Variants in LARGE1 observed in about 807,000 individuals in gnomAD.
LARGE1 encodes LARGE xylosyl- and glucuronyltransferase 1.
In LARGE1, 43 loss-of-function variants were observed where a neutral mutation model predicts 87.6. The ratio of observed to expected loss-of-function variants is 0.49; its 90% CI spans 0.38 to 0.63. The LOEUF (loss-of-function observed/expected upper bound fraction) is 0.63. LARGE1 is among the 30% of genes least tolerant of loss of function. LARGE1 has a pLI of 0.00. For synonymous variants in LARGE1, 434 were observed against 394.6 expected (o/e 1.10, Z -1.18); for missense variants, 802 against 1,000.2 (o/e 0.80, Z 2.67).
At chr22:33,403,223 G>T (rs912003409) in intron 7 of LARGE1, among the ~76,000 whole-genome samples, 1 of 152,190 alleles carries the variant, frequency 6.6e-6, no homozygotes, top group African/African-American at 2.4e-5. Flanking sequence ...GTGCCATACA[G>T]TAGGTCTACT....
chr22:33,874,820 G>C (rs1179972762), intron 1 of LARGE1, among the ~76,000 whole-genome samples: 3 of 152,160 alleles, frequency 2.0e-5, no homozygotes, highest in South Asian at 2.1e-4. Flanking sequence ...AACTGACTCT[G>C]CCAACATTAT....
intron 2 of LARGE1, among the ~76,000 whole-genome samples, chr22:33,680,942 T>C (rs540082866): frequency 6.6e-6 from 1 of 152,330 alleles, no homozygotes; most frequent in East Asian, 1.9e-4. Flanking sequence ...ATGTTACTAA[T>C]ACCCTCTGCA....
chr22:33,242,035 GGTA>G (rs1375494264), intron 11 of LARGE1, among the ~76,000 whole-genome samples: 1 of 152,014 alleles, frequency 6.6e-6, no homozygotes, highest in African/African-American at 2.4e-5. Flanking sequence ...AAGTATGTGA[GGTA>G]GTGAATATGT....
chr22:33,543,965 T>C (rs1377941079), intron 6 of LARGE1, among the ~76,000 whole-genome samples: 1 of 152,260 alleles, frequency 6.6e-6, no homozygotes, highest in Non-Finnish European at 1.5e-5. Flanking sequence ...CATAAACACC[T>C]GCTTTCCTTC....
intron 2 of LARGE1, among the ~76,000 whole-genome samples, chr22:33,729,835 A>G (rs896483916): frequency 4.6e-5 from 7 of 152,230 alleles, no homozygotes; most frequent in African/African-American, 1.7e-4. Context: ...GTTAGCGTAC[A>G]CACATGTAGA....
intron 2 of LARGE1, among the ~76,000 whole-genome samples, chr22:33,707,841 C>G (rs1334589284): frequency 6.6e-6 from 1 of 152,086 alleles, no homozygotes; most frequent in African/African-American, 2.4e-5. Flanking sequence ...GGCGAGAACC[C>G]CCATAAAAAT....
rs561008585 is a variant in LARGE1 at position 33,191,874 on chromosome 22, C to T, written c.1731-25042G>A. Among the ~76,000 whole-genome samples the T allele has an allele frequency of 9.2e-5, 14 of 152,318 alleles. No homozygotes were observed. In the East Asian group the frequency reaches 2.5e-3, roughly 27 times the overall value. On this transcript the variant is annotated intron_variant, in intron 11 of 11. Coordinates refer to the LARGE1 transcript ENST00000608642. ...TTTCTTATGATGTGTTCACTAAGCACATTAATCATAGATTTTCCCCACTAG... is the reference window on the plus strand; with the variant it reads ...TTTCTTATGATGTGTTCACTAAGCATATTAATCATAGATTTTCCCCACTAG...
At chr22:33,177,903 T>A (rs1922962104) in intron 11 of LARGE1, among the ~76,000 whole-genome samples, 1 of 152,116 alleles carries the variant, frequency 6.6e-6, no homozygotes, top group Non-Finnish European at 1.5e-5. Context: ...AGTCAGTGAG[T>A]TCTCACAAGA....
chr22:33,211,680 C>T (rs912656855), intron 11 of LARGE1, among the ~76,000 whole-genome samples: 3 of 151,972 alleles, frequency 2.0e-5, no homozygotes, highest in African/African-American at 4.8e-5. Context: ...GGCTGAGGCA[C>T]GAGAATTGCT....
chr22:33,417,108 T>C (rs111279060), intron 7 of LARGE1, among the ~76,000 whole-genome samples: 74 of 152,024 alleles, frequency 4.9e-4, no homozygotes, highest in African/African-American at 1.7e-3. Flanking sequence ...GGTTTCACCA[T>C]GTTGGCCAGG....
At chr22:33,132,113 G>C in the LARGE1 span, among the ~76,000 whole-genome samples, 1 of 152,092 alleles carries the variant, frequency 6.6e-6, no homozygotes, top group Non-Finnish European at 1.5e-5. Context: ...TACAACTAAA[G>C]ATGAGATTTG....
intron 11 of LARGE1, among the ~76,000 whole-genome samples, chr22:33,207,113 T>C (rs1281975913): frequency 6.9e-6 from 1 of 144,074 alleles, no homozygotes; most frequent in Admixed American, 6.7e-5. Context: ...CTTTGTAAAA[T>C]GAAAGCATGG....
chr22:33,195,716 AAAG>A (rs1482389317), intron 11 of LARGE1, among the ~76,000 whole-genome samples: 2 of 151,776 alleles, frequency 1.3e-5, no homozygotes, highest in Admixed American at 1.3e-4. Context: ...TTCTATTAAA[AAAG>A]AAGTAGTGCC....
chr22:33,852,828 C>T (rs1220981357), intron 1 of LARGE1, among the ~76,000 whole-genome samples: 1 of 124,402 alleles, frequency 8.0e-6, no homozygotes, highest in African/African-American at 3.1e-5. Context: ...TGCACTCCAG[C>T]GTGGGCAAGA....
chr22:33,768,483 A>G (rs1053531994), intron 1 of LARGE1, among the ~76,000 whole-genome samples: 1 of 151,040 alleles, frequency 6.6e-6, no homozygotes, highest in African/African-American at 2.4e-5. Context: ...CGCCCTGCCT[A>G]CTGTATCCTA....
the LARGE1 span, among the ~76,000 whole-genome samples, chr22:33,152,604 T>A: frequency 6.0e-3 from 908 of 152,254 alleles, 23 homozygotes; most frequent in Admixed American, 0.044. Context: ...ATTTTAAATT[T>A]TTGTGGCTAC....
chr22:33,577,743 G>T (rs1268395426), intron 5 of LARGE1, among the ~76,000 whole-genome samples: 1 of 152,242 alleles, frequency 6.6e-6, no homozygotes, highest in African/African-American at 2.4e-5. Flanking sequence ...CACCTTGCAG[G>T]TGAGTTTAAA....
At chr22:33,685,324 C>G (rs1395674407) in intron 2 of LARGE1, among the ~76,000 whole-genome samples, 1 of 152,154 alleles carries the variant, frequency 6.6e-6, no homozygotes, top group East Asian at 1.9e-4. Flanking sequence ...AAAGCATGTA[C>G]AAATGCCTAA....
the LARGE1 span, among the ~76,000 whole-genome samples, chr22:33,143,332 C>T: frequency 6.6e-6 from 1 of 151,936 alleles, no homozygotes; most frequent in South Asian, 2.1e-4. Context: ...AAAAAATAAC[C>T]CCAACTTCAG....
Sources: gnomAD v4.1 joint callset for allele counts (sites outside exome capture counted in the v4.1 genomes callset) on GRCh38, gnomAD v4.1.1 for gene constraint, MANE v1.5 for transcripts, NCBI Gene and HGNC (gene_info 2026-07-23, HGNC 2026-07-21) for gene names.